Variants in LAMA2 observed in about 807,000 individuals in gnomAD.
The protein encoded by LAMA2 is laminin subunit alpha-2.
In LAMA2, 269 loss-of-function variants were observed where a neutral mutation model predicts 364.8. That is an observed-to-expected ratio of 0.74 (90% CI 0.67 to 0.82). The LOEUF (loss-of-function observed/expected upper bound fraction) is 0.82, where lower values mean the gene tolerates loss of function less well. Among genes scored for constraint, LAMA2 ranks in the 40% least tolerant of loss-of-function variants. LAMA2 has a pLI of 0.00. For missense variants in LAMA2, 3,807 were observed against 3,873.2 expected (o/e 0.98, Z 0.45); for synonymous variants, 1,379 against 1,370.6 (o/e 1.01, Z -0.14).
At chr6:129,201,895 A>C (rs1583238664) in intron 12 of LAMA2, among the ~76,000 whole-genome samples, 1 of 152,298 alleles carries the variant, frequency 6.6e-6, no homozygotes, top group African/African-American at 2.4e-5. Context: ...AGCAATCAGA[A>C]AAAAACTAAC....
chr6:129,160,160 T>C (rs899530975), intron 8 of LAMA2, among the ~76,000 whole-genome samples: 2 of 152,168 alleles, frequency 1.3e-5, no homozygotes, highest in African/African-American at 4.8e-5. Flanking sequence ...CTAAAGTAAC[T>C]TCAGATTAAA....
chr6:128,973,405 A>G (rs572833712), intron 1 of LAMA2, among the ~76,000 whole-genome samples: 19 of 152,332 alleles, frequency 1.2e-4, no homozygotes, highest in Admixed American at 2.6e-4. Context: ...TCCTTGAATC[A>G]AAATGATTGA....
At chr6:128,904,659 A>G (rs941408067) in intron 1 of LAMA2, among the ~76,000 whole-genome samples, 1 of 151,850 alleles carries the variant, frequency 6.6e-6, no homozygotes, top group Non-Finnish European at 1.5e-5. Context: ...GGGTTTCACT[A>G]TGTTGGCCAG....
intron 1 of LAMA2, among the ~76,000 whole-genome samples, chr6:128,920,399 G>A (rs569427341): frequency 1.1e-4 from 17 of 151,766 alleles, no homozygotes; most frequent in Admixed American, 1.3e-4. Context: ...CTCGCAATTC[G>A]CCCGCCTCAG....
chr6:129,260,584 T>A (rs2114319716), intron 14 of LAMA2, 127 bp from the exon 15 acceptor site: 1 of 745,784 alleles, frequency 1.3e-6, no homozygotes, highest in East Asian at 2.5e-5. Flanking sequence ...GTTATGGTAT[T>A]CATCAGCTTC....
intron 9 of LAMA2, among the ~76,000 whole-genome samples, chr6:129,176,842 T>C (rs1780626657): frequency 6.6e-6 from 1 of 152,168 alleles, no homozygotes; most frequent in South Asian, 2.1e-4. Flanking sequence ...TACATGTTTA[T>C]GTTTTTAATA....
chr6:128,955,443 A>C (rs557856944), intron 1 of LAMA2, among the ~76,000 whole-genome samples: 1 of 152,108 alleles, frequency 6.6e-6, no homozygotes, highest in African/African-American at 2.4e-5. Context: ...TGGCCATTGG[A>C]AATGAATTAT....
In LAMA2 at chr6:129,356,656, C is replaced by T. The variant is rs184748206; in HGVS notation, c.4717+3299C>T. The stretch of plus-strand genomic sequence containing the variant: ...ACAGAGAAAGCAAACGTGGTTTAGC[C>T]AGTATATTCAACATTAATGAATTCA... On this transcript the variant is annotated intron_variant, in intron 32 of 64. Transcript: ENST00000421865. Among the ~76,000 whole-genome samples, 180 of 152,164 alleles carry T rather than the reference C, an allele frequency of 1.2e-3. 1 individual carries two copies. Among genetic ancestry groups the T allele is most frequent in the African/African-American group, 4.2e-3 (173 of 41,536 alleles).
intron 1 of LAMA2, among the ~76,000 whole-genome samples, chr6:128,971,182 A>G (rs1243546558): frequency 6.6e-6 from 1 of 152,182 alleles, no homozygotes; most frequent in African/African-American, 2.4e-5. Context: ...TAGTGAAAGC[A>G]CTTTGAAGCA....
At chr6:129,115,775 G>C (rs973980765) in intron 4 of LAMA2, among the ~76,000 whole-genome samples, 1 of 152,068 alleles carries the variant, frequency 6.6e-6, no homozygotes, top group Admixed American at 6.6e-5. Context: ...GTAACTCTTT[G>C]AAGTTTAGTT....
intron 58 of LAMA2, among the ~76,000 whole-genome samples, chr6:129,496,404 G>A (rs1785198442): frequency 6.6e-6 from 1 of 152,048 alleles, no homozygotes; most frequent in Admixed American, 6.6e-5. Context: ...AACTTCAGGT[G>A]GTCTGCCCAC....
At chr6:129,158,680 CA>C in intron 8 of LAMA2, 1 of 1,614,072 alleles carries the variant, frequency 6.2e-7, no homozygotes, top group Non-Finnish European at 8.5e-7. Flanking sequence ...ATGCTGCCAT[CA>C]AAAAACGGAC....
intron 3 of LAMA2, among the ~76,000 whole-genome samples, chr6:129,077,348 A>G (rs1773729161): frequency 6.6e-6 from 1 of 152,206 alleles, no homozygotes; most frequent in Non-Finnish European, 1.5e-5. Flanking sequence ...ACATTTTCCC[A>G]CTGATTTTAG....
intron 4 of LAMA2, among the ~76,000 whole-genome samples, chr6:129,132,446 G>A (rs1777547588): frequency 6.6e-6 from 1 of 152,168 alleles, no homozygotes; most frequent in Admixed American, 6.5e-5. Context: ...GATTACAGGC[G>A]TGAGCCACCG....
At chr6:129,085,424 T>C (rs1026316892) in intron 3 of LAMA2, among the ~76,000 whole-genome samples, 3 of 152,206 alleles carry the variant, frequency 2.0e-5, no homozygotes, top group African/African-American at 4.8e-5. Flanking sequence ...ATATTAATGT[T>C]AGAAATCTGT....
chr6:129,122,895 C>T (rs1776879233), intron 4 of LAMA2, among the ~76,000 whole-genome samples: 2 of 152,130 alleles, frequency 1.3e-5, no homozygotes, highest in African/African-American at 2.4e-5. Context: ...ACCTTCTTAA[C>T]ACTGATAATT....
intron 52 of LAMA2, 114 bp from the exon 53 acceptor site, chr6:129,475,276 G>T: frequency 1.5e-6 from 1 of 683,920 alleles, no homozygotes; most frequent in South Asian, 2.1e-5. Flanking sequence ...AGATCCCTGT[G>T]AAATGATTTT....
At chr6:129,006,590 A>G (rs947843625) in intron 1 of LAMA2, among the ~76,000 whole-genome samples, 14 of 152,080 alleles carry the variant, frequency 9.2e-5, no homozygotes, top group African/African-American at 3.1e-4. Context: ...TTTTACAGCC[A>G]CTGCCTTCAT....
chr6:129,374,132 T>G (rs1778238724), intron 34 of LAMA2, among the ~76,000 whole-genome samples: 1 of 152,206 alleles, frequency 6.6e-6, no homozygotes, highest in South Asian at 2.1e-4. Context: ...CCATAAATAC[T>G]CAAGTCAACA....
Sources: allele counts gnomAD v4.1 joint callset (sites outside exome capture counted in the v4.1 genomes callset), GRCh38; gene constraint gnomAD v4.1.1; transcripts MANE v1.5; gene names NCBI Gene and HGNC (gene_info 2026-07-23, HGNC 2026-07-21).